The following PCDHGA4 variants were observed in gnomAD, a reference collection of about 807,000 sequenced individuals.
PCDHGA4 encodes the protein protocadherin gamma subfamily A, 4.
PCDHGA4 carries 38 observed loss-of-function variants against 54.6 expected under a neutral mutation model. The ratio of observed to expected loss-of-function variants is 0.70; its 90% CI spans 0.54 to 0.91. PCDHGA4 has a LOEUF of 0.91. Among genes scored for constraint, PCDHGA4 ranks in the 40% least tolerant of loss-of-function variants. The pLI, the probability that PCDHGA4 is intolerant of heterozygous loss-of-function variation, is 0.00. For missense variants in PCDHGA4, 1,298 were observed against 1,220.9 expected, an observed-to-expected ratio of 1.06 and a Z score of -0.94; for synonymous variants, 511 against 512.9, an observed-to-expected ratio of 1.00 and a Z score of 0.05.
In PCDHGA4 at chr5:141,382,880, G is replaced by C. The variant is rs959397097; in HGVS notation, c.2514+25259G>C. The C allele has an allele frequency of 5.2e-6, 8 of 1,526,962 alleles. No homozygotes were observed. The African/African-American group carries it at 5.6e-5, about 11-fold the overall frequency. The allele number at this position is 1,526,962 out of a possible 1,614,324, so 94.6% of individuals were successfully genotyped here. ...AGCACTTCCCGAGATCGGCGCCTAA[G>C]CAAGAGAAGCAGGACGACTATGGCG... On this transcript the variant is annotated intron_variant, in intron 1 of 3. Transcript: ENST00000571252.
rs1250096461 is a variant in PCDHGA4 at position 141,485,533 on chromosome 5, G to A, written c.2515-9274G>A. 6.2e-7 allele frequency: 1 copy of A among 1,614,084 alleles called. No homozygotes were observed. Among genetic ancestry groups the A allele is most frequent in the Non-Finnish European group, 8.5e-7 (1 of 1,180,034 alleles). On this transcript the variant is annotated intron_variant, in intron 1 of 3. Coordinates refer to ENST00000571252, the MANE Select transcript of PCDHGA4 (RefSeq NM_018917.4). This position sits in a 1 kb window ranked among gnomAD's most constrained non-coding sequence, Gnocchi z 5.7. ...GTCCTTTGGAAATGTACCGAGCAGA[G>A]GTAGAGATCGTAGATGTGAATGATC...
At chr5:141,413,520 A>G in intron 1 of PCDHGA4, 1 of 1,613,986 alleles carries the variant, frequency 6.2e-7, no homozygotes, top group Non-Finnish European at 8.5e-7. Flanking sequence ...TCCTTGTGGA[A>G]GACAGGGTGA....
Position 141,477,932 on chromosome 5 carries a change from C to T in PCDHGA4, c.2515-16875C>T. 1 of 1,614,158 alleles carries T rather than the reference C, an allele frequency of 6.2e-7. No homozygotes were observed. The highest frequency in any genetic ancestry group is 8.5e-7 in the Non-Finnish European group (1 of 1,180,034). ...CGCGGATGCAGGGCACAATGCCTGGCTCTCCTACAGTCTCTTGGGATCCCC... is the reference window on the plus strand; with the variant it reads ...CGCGGATGCAGGGCACAATGCCTGGTTCTCCTACAGTCTCTTGGGATCCCC... On this transcript the variant is annotated intron_variant, in intron 1 of 3. Coordinates refer to ENST00000571252, the MANE Select transcript of PCDHGA4 (RefSeq NM_018917.4). This position sits in a 1 kb window ranked among gnomAD's most constrained non-coding sequence, Gnocchi z 4.9.
chr5:141,420,980 C>T (rs1463868271), intron 1 of PCDHGA4: 1 of 484,260 alleles, frequency 2.1e-6, no homozygotes, highest in Non-Finnish European at 3.6e-6. Flanking sequence ...AGAATGGGCT[C>T]TAGGCGCCGC....
At chr5:141,452,106 CTCT>C (rs748460925) in intron 1 of PCDHGA4, among the ~76,000 whole-genome samples, 12 of 152,096 alleles carry the variant, frequency 7.9e-5, no homozygotes, top group South Asian at 4.1e-4. Flanking sequence ...GCTTTCTTTT[CTCT>C]TCTTATTTAT....
chr5:141,454,625 C>G (rs1193628253), intron 1 of PCDHGA4, among the ~76,000 whole-genome samples: 1 of 151,512 alleles, frequency 6.6e-6, no homozygotes, highest in Admixed American at 6.6e-5. Context: ...AGGCTGGTCT[C>G]GAACCCCCAA....
At chr5:141,394,637 G>C (rs201732776) in intron 1 of PCDHGA4, 4 of 1,613,464 alleles carry the variant, frequency 2.5e-6, no homozygotes, top group African/African-American at 1.3e-5. Flanking sequence ...CCTACCGCCT[G>C]CTCAAGGCCA....
intron 1 of PCDHGA4, chr5:141,415,377 C>A: frequency 1.2e-6 from 2 of 1,614,236 alleles, no homozygotes; most frequent in Non-Finnish European, 1.7e-6. Flanking sequence ...CTTCAGGAGG[C>A]GGCTTGACAG....
rs528806463 is a variant in PCDHGA4 at position 141,356,170 on chromosome 5, G to A, written c.1063G>A (p.Gly355Arg). The A allele has an allele frequency of 6.8e-6, 11 of 1,612,922 alleles. No homozygotes were observed. The highest frequency in any genetic ancestry group is 8.5e-6 in the Non-Finnish European group (10 of 1,179,376). ...FYDIDVEAHDGPGLRARSKVL... is the reference protein window; with the variant it reads ...FYDIDVEAHDRPGLRARSKVL... ...TGACATAGATGTAGAAGCCCATGAT[G>A]GGCCTGGTCTCCGAGCTAGAAGCAA... Residue 355 changes from glycine to arginine, a missense_variant, in exon 1 of 4, where the codon GGG becomes AGG. Transcript: ENST00000571252.
At chr5:141,426,427 G>A in intron 1 of PCDHGA4, 2 of 293,710 alleles carry the variant, frequency 6.8e-6, no homozygotes, top group Non-Finnish European at 1.3e-5. Context: ...CTCCGTGGTG[G>A]GGAACCTTGC....
chr5:141,472,290 C>T (rs2099275934), intron 1 of PCDHGA4, among the ~76,000 whole-genome samples: 2 of 152,096 alleles, frequency 1.3e-5, no homozygotes, highest in Admixed American at 6.6e-5. Flanking sequence ...ACCTGTAATC[C>T]CAGCACTTTG....
intron 1 of PCDHGA4, among the ~76,000 whole-genome samples, chr5:141,456,780 T>A (rs1392367637): frequency 1.3e-5 from 2 of 152,000 alleles, no homozygotes; most frequent in Non-Finnish European, 2.9e-5. Flanking sequence ...CTGGCCTACA[T>A]GGCAAAACCC....
intron 1 of PCDHGA4, chr5:141,417,834 G>A (rs1382990900): frequency 2.0e-6 from 3 of 1,530,144 alleles, no homozygotes; most frequent in Middle Eastern, 3.5e-4. Context: ...GGAAAAGCGG[G>A]GACCCAGCGA....
At chr5:141,502,483 G>A (rs773081419) in intron 2 of PCDHGA4, among the ~76,000 whole-genome samples, 42 of 152,144 alleles carry the variant, frequency 2.8e-4, no homozygotes, top group Non-Finnish European at 4.7e-4. Context: ...GCATCACACT[G>A]GGACTCATCT....
Position 141,476,698 on chromosome 5 carries a change from G to T in PCDHGA4, c.2515-18109G>T. The T allele has an allele frequency of 4.3e-6, 7 of 1,614,056 alleles. No homozygotes were observed. Among genetic ancestry groups the T allele is most frequent in the Non-Finnish European group, 5.9e-6 (7 of 1,179,986 alleles). ...CGCGGGAGGACAGCACCAAGTACGC[G>T]GAGCTGGTGTTGGAGCGCGCCCTGG... On this transcript the variant is annotated intron_variant, in intron 1 of 3. Coordinates refer to ENST00000571252, the MANE Select transcript of PCDHGA4 (RefSeq NM_018917.4). The surrounding 1 kb of genome is among the most constrained non-coding windows in gnomAD (Gnocchi z 7.6).
At chr5:141,446,295 G>A (rs146503397) in intron 1 of PCDHGA4, among the ~76,000 whole-genome samples, 1 of 152,196 alleles carries the variant, frequency 6.6e-6, no homozygotes, top group Non-Finnish European at 1.5e-5. Flanking sequence ...TGGGGAGCAG[G>A]GATTAAGAGT....
At chr5:141,383,983 C>G (rs769557615) in intron 1 of PCDHGA4, 1 of 1,613,794 alleles carries the variant, frequency 6.2e-7, no homozygotes, top group Non-Finnish European at 8.5e-7. Flanking sequence ...AGACACACCT[C>G]TTGGGACAGT....
At chr5:141,410,161 ACT>A (rs758781174) in intron 1 of PCDHGA4, 27 of 1,613,102 alleles carry the variant, frequency 1.7e-5, no homozygotes, top group South Asian at 1.1e-5. Flanking sequence ...GACAGCCGCC[ACT>A]CTCTGCCACC....
intron 1 of PCDHGA4, chr5:141,424,160 CATCT>C (rs1554117117): frequency 1.5e-5 from 4 of 273,202 alleles, no homozygotes; most frequent in South Asian, 1.4e-4. Flanking sequence ...CTCTCCTTCT[CATCT>C]ATCTATCTAT....
Sources: gnomAD v4.1 joint callset for allele counts (sites outside exome capture counted in the v4.1 genomes callset) on GRCh38, gnomAD v4.1.1 for gene constraint, Gnocchi (gnomAD v3.1) non-coding constraint, MANE v1.5 for transcripts, NCBI Gene and HGNC (gene_info 2026-07-23, HGNC 2026-07-21) for gene names.